PITPNA: variants seen among roughly 807,000 people sequenced by gnomAD.
PITPNA encodes phosphatidylinositol transfer protein alpha isoform.
A neutral mutation model predicts 50.3 loss-of-function variants in PITPNA; 13 were observed. That is an observed-to-expected ratio of 0.26 (90% confidence interval 0.17 to 0.41). PITPNA has a LOEUF of 0.41. Ranked by LOEUF, PITPNA falls within the 10% of genes least tolerant of loss-of-function variation. PITPNA has a pLI of 1.00. For synonymous variants in PITPNA, 120 were observed against 119.6 expected, an observed-to-expected ratio of 1.00 and a Z score of -0.02; for missense variants, 207 against 333.4, an observed-to-expected ratio of 0.62 and a Z score of 2.95.
At chr17:1,558,798 T>C (rs1039769416) in intron 1 of PITPNA, among the ~76,000 whole-genome samples, 3 of 49,816 alleles carry the variant, frequency 6.0e-5, no homozygotes, top group Non-Finnish European at 1.1e-4. Context: ...CCCCAGAGAA[T>C]GGCCCTCTTA....
chr17:1,522,974 T>G (rs1385319158), intron 10 of PITPNA, among the ~76,000 whole-genome samples: 2 of 152,100 alleles, frequency 1.3e-5, no homozygotes, highest in East Asian at 3.9e-4. Flanking sequence ...TAACAGAACT[T>G]CCCTTTCCTG....
At chr17:1,539,201 G>T (rs2075634829) in intron 6 of PITPNA, among the ~76,000 whole-genome samples, 1 of 152,140 alleles carries the variant, frequency 6.6e-6, no homozygotes, top group African/African-American at 2.4e-5. Context: ...GCACACTCTA[G>T]CATGAACTCC....
At chr17:1,549,928 G>C (rs1024034747) in intron 3 of PITPNA, among the ~76,000 whole-genome samples, 1 of 152,186 alleles carries the variant, frequency 6.6e-6, no homozygotes, top group African/African-American at 2.4e-5. Flanking sequence ...GCCTGCCTCA[G>C]CCTCCTAAAG....
intron 10 of PITPNA, among the ~76,000 whole-genome samples, chr17:1,527,074 C>T (rs779097492): frequency 6.6e-6 from 1 of 151,208 alleles, no homozygotes; most frequent in Non-Finnish European, 1.5e-5. Flanking sequence ...TTCAGTCTTA[C>T]AATGATCTAA....
intron 10 of PITPNA, among the ~76,000 whole-genome samples, chr17:1,525,504 CTTTTTT>C (rs11329480): frequency 3.9e-5 from 4 of 101,718 alleles, no homozygotes; most frequent in African/African-American, 7.7e-5. Flanking sequence ...CACTGGGAAA[CTTTTTT>C]TTTTTTTTTT....
intron 4 of PITPNA, among the ~76,000 whole-genome samples, chr17:1,545,882 C>G (rs2075671212): frequency 6.6e-6 from 1 of 150,890 alleles, no homozygotes; most frequent in Admixed American, 6.6e-5. Context: ...ACCTTTGGCC[C>G]TAGACCAGAC....
intron 10 of PITPNA, among the ~76,000 whole-genome samples, chr17:1,530,996 C>G (rs2075578861): frequency 6.7e-6 from 1 of 150,166 alleles, no homozygotes; most frequent in African/African-American, 2.4e-5. Context: ...CGGTTAGGAA[C>G]TGGTGTTCCC....
Position 1,543,173 on chromosome 17 carries a change from A to G in PITPNA, c.290-146T>C, listed in dbSNP as rs2075656512. ...TATTCCACGGTCACCTCCAAGCCCC[A>G]GTGAGTCAGAAATACCTTAACGCAC... On this transcript the variant is annotated intron_variant, in intron 4 of 11. Transcript: ENST00000313486. 4 of 598,324 alleles carry G rather than the reference A, an allele frequency of 6.7e-6. No individual in the cohort carries two copies. In the Admixed American group the frequency reaches 1.2e-4, roughly 18 times the overall value. 37.1% of individuals were successfully genotyped at this position (598,324 alleles called of 1,614,324 possible). A position where few individuals can be genotyped will look rare whatever the true frequency, so the allele number is the denominator to read the frequency against.
chr17:1,523,856 A>G (rs2075529596), intron 10 of PITPNA, among the ~76,000 whole-genome samples: 1 of 150,838 alleles, frequency 6.6e-6, no homozygotes, highest in Admixed American at 6.6e-5. Flanking sequence ...ACAGGGTCTC[A>G]TTGTATTGCC....
At chr17:1,555,506 C>T (rs1363922839) in intron 2 of PITPNA, among the ~76,000 whole-genome samples, 1 of 152,154 alleles carries the variant, frequency 6.6e-6, no homozygotes, top group Non-Finnish European at 1.5e-5. Context: ...ATTTAAAAAA[C>T]TCCAACAGGA....
intron 4 of PITPNA, among the ~76,000 whole-genome samples, chr17:1,547,249 C>G (rs2075679842): frequency 6.6e-6 from 1 of 151,438 alleles, no homozygotes; most frequent in Non-Finnish European, 1.5e-5. Flanking sequence ...GCCTATAGTC[C>G]CAGGTATTTG....
chr17:1,542,288 T>G (rs1456978617), intron 5 of PITPNA, among the ~76,000 whole-genome samples: 1 of 151,770 alleles, frequency 6.6e-6, no homozygotes, highest in Non-Finnish European at 1.5e-5. Context: ...ATTTAGCCAC[T>G]CTGGGTAGTA....
intron 10 of PITPNA, among the ~76,000 whole-genome samples, chr17:1,531,551 G>C (rs1225913781): frequency 6.6e-6 from 1 of 151,650 alleles, no homozygotes; most frequent in Non-Finnish European, 1.5e-5. Flanking sequence ...AAATAAATAA[G>C]AAAAATTAAA....
In PITPNA at chr17:1,517,789, C is replaced by G. The variant is rs1436499015; in HGVS notation, c.*2772G>C. 1.3e-5 allele frequency: 2 copies of G among 152,106 alleles called. No homozygotes were observed. The highest frequency in any genetic ancestry group is 2.9e-5 in the Non-Finnish European group (2 of 68,034). The allele number at this position is 152,106 out of a possible 1,614,324, so 9.4% of individuals were successfully genotyped here. ...GGACATCCTGTCAGTAGGAAACGGC[C>G]GAATTACAATTCAGATGTGCAATGT... On this transcript the variant is annotated 3_prime_UTR_variant, in exon 12 of 12. Coordinates refer to ENST00000313486, the MANE Select transcript of PITPNA (RefSeq NM_006224.4).
At chr17:1,554,063 T>C (rs2075722975) in intron 2 of PITPNA, among the ~76,000 whole-genome samples, 1 of 152,230 alleles carries the variant, frequency 6.6e-6, no homozygotes, top group Non-Finnish European at 1.5e-5. Context: ...TGGCCTCCTC[T>C]GACCCTGTCA....
chr17:1,535,302 A>G lies in PITPNA; in HGVS notation c.535-10T>C, dbSNP rs2075609101. 2 of 1,594,054 alleles carry G rather than the reference A, an allele frequency of 1.3e-6. No individual in the cohort carries two copies. On this transcript the variant is annotated splice_polypyrimidine_tract_variant and intron_variant, in intron 8 of 11. Transcript: ENST00000313486. ...GGTTTACAAGCTCTTGCTGCATTAG[A>G]AACATACCCATGGGTACGCAAGTAA... is the stretch of plus-strand genomic sequence containing the variant.
chr17:1,549,938 G>A (rs977923151), intron 3 of PITPNA, among the ~76,000 whole-genome samples: 5 of 152,178 alleles, frequency 3.3e-5, no homozygotes, highest in Non-Finnish European at 7.4e-5. Context: ...GCCTCCTAAA[G>A]TGCGGGGATT....
chr17:1,548,125 G>A (rs2151011241), intron 4 of PITPNA, among the ~76,000 whole-genome samples, 171 bp downstream of exon 4: 1 of 152,362 alleles, frequency 6.6e-6, no homozygotes, highest in Admixed American at 6.5e-5. Flanking sequence ...GACGACCGGT[G>A]CTTCTCGCCC....
chr17:1,558,395 G>A (rs984239146), intron 2 of PITPNA, 134 bp downstream of exon 2: 15 of 664,032 alleles, frequency 2.3e-5, no homozygotes, highest in East Asian at 1.6e-4. Context: ...GTGGCACCAC[G>A]AAATTCACAT....
Sources: gnomAD v4.1 joint callset for allele counts (sites outside exome capture counted in the v4.1 genomes callset) on GRCh38, gnomAD v4.1.1 for gene constraint, MANE v1.5 for transcripts, NCBI Gene and HGNC (gene_info 2026-07-23, HGNC 2026-07-21) for gene names.